TRAPPC9: variants seen among roughly 807,000 people sequenced by gnomAD.
TRAPPC9 encodes trafficking protein particle complex subunit 9.
Under a neutral mutation model 124.0 loss-of-function variants are expected in TRAPPC9, and 83 were observed. The observed-to-expected ratio is 0.67, with a 90% confidence interval of 0.56 to 0.80. The LOEUF is 0.80. Ranked by LOEUF, TRAPPC9 falls within the 30% of genes least tolerant of loss-of-function variation. The probability of loss-of-function intolerance (pLI) is 0.00; values close to 1 mark genes in which losing one functional copy is unlikely to be tolerated. For synonymous variants in TRAPPC9, 638 were observed against 617.5 expected (o/e 1.03, Z -0.49); for missense variants, 1,302 against 1,508.3 (o/e 0.86, Z 2.27).
At chr8:140,380,128 T>C (rs1466115519) in intron 7 of TRAPPC9, among the ~76,000 whole-genome samples, 2 of 152,122 alleles carry the variant, frequency 1.3e-5, no homozygotes, top group African/African-American at 2.4e-5. Flanking sequence ...GAACCCAGAA[T>C]AGCCAGAACC....
At chr8:140,367,984 GA>G (rs1402996798) in intron 8 of TRAPPC9, among the ~76,000 whole-genome samples, 7 of 152,156 alleles carry the variant, frequency 4.6e-5, no homozygotes, top group Non-Finnish European at 8.8e-5. Context: ...GGCAGGTGAA[GA>G]AAAACTATCA....
intron 21 of TRAPPC9, among the ~76,000 whole-genome samples, chr8:139,857,923 C>G (rs1439269288): frequency 2.0e-5 from 3 of 152,222 alleles, no homozygotes; most frequent in Non-Finnish European, 4.4e-5. Context: ...TCCCAACCAT[C>G]GAGCCATCAG....
intron 9 of TRAPPC9, among the ~76,000 whole-genome samples, chr8:140,340,504 T>C (rs1332292835): frequency 1.3e-5 from 2 of 152,230 alleles, no homozygotes; most frequent in African/African-American, 2.4e-5. Context: ...ACCAGCACTG[T>C]TGAAATCCCA....
At chr8:140,171,831 G>T (rs1459616045) in intron 17 of TRAPPC9, among the ~76,000 whole-genome samples, 1 of 152,158 alleles carries the variant, frequency 6.6e-6, no homozygotes, top group Non-Finnish European at 1.5e-5. Context: ...CAGGACTCTG[G>T]GGTAGGAGTA....
intron 20 of TRAPPC9, among the ~76,000 whole-genome samples, chr8:139,893,383 T>C (rs1830466185): frequency 6.6e-6 from 1 of 152,162 alleles, no homozygotes; most frequent in Non-Finnish European, 1.5e-5. Context: ...AACACAACCA[T>C]GCCCCTCAGG....
intron 17 of TRAPPC9, among the ~76,000 whole-genome samples, chr8:140,185,541 T>C (rs1338516537): frequency 2.0e-5 from 3 of 152,172 alleles, no homozygotes; most frequent in Non-Finnish European, 4.4e-5. Context: ...TGTGGTCTGA[T>C]CCTGCGAGTA....
At chr8:140,297,366 G>A (rs4515526) in intron 11 of TRAPPC9, among the ~76,000 whole-genome samples, 32 of 82,574 alleles carry the variant, frequency 3.9e-4, no homozygotes, top group African/African-American at 1.3e-3. Context: ...ACACATACAC[G>A]CATACACACA....
chr8:139,772,138 C>T (rs1333457088), intron 21 of TRAPPC9, among the ~76,000 whole-genome samples: 1 of 152,238 alleles, frequency 6.6e-6, no homozygotes, highest in African/African-American at 2.4e-5. Flanking sequence ...CACCTGGGAT[C>T]CACATGGAAG....
chr8:140,426,757 TG>T, intron 4 of TRAPPC9, 116 bp from the exon 5 acceptor site: 1 of 1,039,934 alleles, frequency 9.6e-7, no homozygotes, highest in African/African-American at 1.6e-5. Context: ...GACTTGTATC[TG>T]ATCAGAAAAG....
rs190288625 is a variant in TRAPPC9 at position 140,383,716 on chromosome 8, G to T, written c.1135-12536C>A. Among the ~76,000 whole-genome samples, 1,009 of 152,268 alleles carry T rather than the reference G, an allele frequency of 6.6e-3. 10 individuals carry two copies. The highest frequency in any genetic ancestry group is 0.022 in the African/African-American group (932 of 41,548). On this transcript the variant is annotated intron_variant, in intron 7 of 22. Coordinates refer to ENST00000438773, the MANE Select transcript of TRAPPC9 (RefSeq NM_001160372.4). ...TGTACCTGAAAGTGACAGGGAGAAT[G>T]GAACCAAGTTGGAAAACACTCTGCA...
intron 21 of TRAPPC9, among the ~76,000 whole-genome samples, chr8:139,805,813 G>C (rs948286145): frequency 1.3e-5 from 2 of 152,170 alleles, no homozygotes; most frequent in African/African-American, 4.8e-5. Flanking sequence ...ACAGAACGAA[G>C]AAGGAGGGCT....
At chr8:139,921,977 T>G (rs1832537689) in intron 19 of TRAPPC9, among the ~76,000 whole-genome samples, 1 of 151,594 alleles carries the variant, frequency 6.6e-6, no homozygotes, top group African/African-American at 2.4e-5. Flanking sequence ...CCCTCCCTGC[T>G]GTCAGAGAAG....
At chr8:140,438,774 C>CTTCTGCCTCCTGGTTCAAGAAA (rs1415473413) in intron 3 of TRAPPC9, among the ~76,000 whole-genome samples, 1 of 152,158 alleles carries the variant, frequency 6.6e-6, no homozygotes, top group African/African-American at 2.4e-5. Flanking sequence ...CTCACTGCAA[C>CTTCTGCCTCCTGGTTCAAGAAA]TTCTGCCTCC....
intron 21 of TRAPPC9, among the ~76,000 whole-genome samples, chr8:139,832,959 G>A (rs1826086487): frequency 6.6e-6 from 1 of 152,132 alleles, no homozygotes; most frequent in Non-Finnish European, 1.5e-5. Context: ...AATTTTTCCA[G>A]CTGATCTCAG....
chr8:139,872,001 C>A (rs1828933624), intron 21 of TRAPPC9, among the ~76,000 whole-genome samples: 1 of 151,190 alleles, frequency 6.6e-6, no homozygotes, highest in South Asian at 2.1e-4. Flanking sequence ...AATGAGTGGG[C>A]TGGTAGATGG....
intron 17 of TRAPPC9, among the ~76,000 whole-genome samples, chr8:140,118,439 A>C (rs567691255): frequency 7.2e-5 from 11 of 152,236 alleles, no homozygotes; most frequent in Non-Finnish European, 1.0e-4. Flanking sequence ...GTAATGTCTG[A>C]GTATCTTAGT....
chr8:140,102,971 T>TA (rs1166792107), intron 17 of TRAPPC9, among the ~76,000 whole-genome samples: 1 of 152,080 alleles, frequency 6.6e-6, no homozygotes, highest in African/African-American at 2.4e-5. Flanking sequence ...ATGTCTGACT[T>TA]ACGAAGATGA....
rs561415682 is a variant in TRAPPC9 at position 140,086,286 on chromosome 8, G to A, written c.2557-62207C>T. On this transcript the variant is annotated intron_variant, in intron 17 of 22. Transcript: ENST00000438773. ...GAGGAGATGGTGGGAGAGGAAGAAG[G>A]ACAGGGGAAGACGATGAAAGGAGCA... Among the ~76,000 whole-genome samples, 5 of 152,316 alleles carry A rather than the reference G, an allele frequency of 3.3e-5. No individual in the cohort carries two copies. The South Asian group carries it at 8.3e-4, about 25-fold the overall frequency.
chr8:139,912,129 TA>T (rs1245356607), intron 19 of TRAPPC9, among the ~76,000 whole-genome samples: 4 of 152,146 alleles, frequency 2.6e-5, no homozygotes, highest in Non-Finnish European at 5.9e-5. Flanking sequence ...AAAAAGAAAA[TA>T]AAAGCATTCA....
Sources: allele counts gnomAD v4.1 joint callset (sites outside exome capture counted in the v4.1 genomes callset), GRCh38; gene constraint gnomAD v4.1.1; transcripts MANE v1.5; gene names NCBI Gene and HGNC (gene_info 2026-07-23, HGNC 2026-07-21).